The following RIPOR2 variants were observed in gnomAD, a reference collection of about 807,000 sequenced individuals.
RIPOR2 encodes the protein rho family-interacting cell polarization regulator 2.
A neutral mutation model predicts 114.5 loss-of-function variants in RIPOR2; 39 were observed. The ratio of observed to expected loss-of-function variants is 0.34; its 90% CI spans 0.26 to 0.44. RIPOR2 has a LOEUF of 0.44. Ranked by LOEUF, RIPOR2 falls within the 20% of genes least tolerant of loss-of-function variation. The probability of loss-of-function intolerance (pLI) is 1.00; values close to 1 mark genes in which losing one functional copy is unlikely to be tolerated. For synonymous variants in RIPOR2, 445 were observed against 484.4 expected (o/e 0.92, Z 1.07); for missense variants, 1,007 against 1,255.1 (o/e 0.80, Z 2.99).
intron 1 of RIPOR2, among the ~76,000 whole-genome samples, chr6:24,967,149 A>G (rs1773563197): frequency 6.6e-6 from 1 of 152,244 alleles, no homozygotes; most frequent in Admixed American, 6.5e-5. Flanking sequence ...GGCTTTGAAG[A>G]AAGCTAACAG....
At chr6:25,027,226 C>T (rs1404764362) in intron 1 of RIPOR2, among the ~76,000 whole-genome samples, 1 of 152,172 alleles carries the variant, frequency 6.6e-6, no homozygotes, top group African/African-American at 2.4e-5. Flanking sequence ...AAACGACAAT[C>T]GCGTAGGGGT....
intron 8 of RIPOR2, among the ~76,000 whole-genome samples, chr6:24,852,975 A>C (rs1386620717): frequency 6.6e-6 from 1 of 152,218 alleles, no homozygotes; most frequent in African/African-American, 2.4e-5. Flanking sequence ...ACATATTCCC[A>C]TGAAGATAAT....
intron 16 of RIPOR2, among the ~76,000 whole-genome samples, chr6:24,830,874 C>T (rs781687348): frequency 4.6e-5 from 7 of 152,164 alleles, no homozygotes; most frequent in Non-Finnish European, 8.8e-5. Flanking sequence ...CACCACCACA[C>T]CTGGCTAATT....
At chr6:24,817,750 C>T (rs918963363) in intron 20 of RIPOR2, among the ~76,000 whole-genome samples, 2 of 152,134 alleles carry the variant, frequency 1.3e-5, no homozygotes, top group Non-Finnish European at 2.9e-5. Flanking sequence ...CATTCTAGCT[C>T]TCTCCCTGCT....
At chr6:24,924,006 G>T (rs905549633) in intron 1 of RIPOR2, among the ~76,000 whole-genome samples, 10 of 152,158 alleles carry the variant, frequency 6.6e-5, no homozygotes, top group African/African-American at 2.4e-4. Context: ...AGTGCTTTTA[G>T]CGCTCTCCTG....
intron 15 of RIPOR2, among the ~76,000 whole-genome samples, chr6:24,833,531 A>C (rs554655224): frequency 0.026 from 3,994 of 152,166 alleles, 155 homozygotes; most frequent in African/African-American, 0.084. Context: ...ACAACAACAA[A>C]AAAACAAAAC....
In RIPOR2 at chr6:24,839,658, C is replaced by G. The variant is rs373586927; in HGVS notation, c.1858-386G>C. 4.9e-4 allele frequency: 758 copies of G among 1,534,610 alleles called. 13 individuals carry two copies. In the South Asian group the frequency reaches 6.4e-3, roughly 13 times the overall value. On this transcript the variant is annotated intron_variant, in intron 13 of 21. Coordinates refer to ENST00000643898, the MANE Select transcript of RIPOR2 (RefSeq NM_001286445.3). ...AAAACAAAAAAAACAAAAAACAAAA[C>G]CATGTCAACCACAAAGCCTTGGGAA...
At chr6:25,025,553 A>G (rs1056740799) in intron 1 of RIPOR2, among the ~76,000 whole-genome samples, 5 of 152,164 alleles carry the variant, frequency 3.3e-5, no homozygotes, top group South Asian at 2.1e-4. Flanking sequence ...TTAAAAAGAG[A>G]AAAACAAAAG....
At chr6:24,823,225 G>A (rs1257968989) in intron 19 of RIPOR2, among the ~76,000 whole-genome samples, 1 of 152,188 alleles carries the variant, frequency 6.6e-6, no homozygotes, top group African/African-American at 2.4e-5. Context: ...TTTGCATCTA[G>A]TTTTAAGAAC....
At chr6:24,874,459 G>A (rs1765523326) in intron 2 of RIPOR2, among the ~76,000 whole-genome samples, 1 of 152,170 alleles carries the variant, frequency 6.6e-6, no homozygotes, top group Non-Finnish European at 1.5e-5. Context: ...GTCCTTTGCA[G>A]AAGGTAATGT....
chr6:24,819,319 T>C (rs1023780642), intron 19 of RIPOR2, among the ~76,000 whole-genome samples: 1 of 152,066 alleles, frequency 6.6e-6, no homozygotes, highest in African/African-American at 2.4e-5. Context: ...ACAAAAATGT[T>C]TGAACTGGAA....
intron 4 of RIPOR2, among the ~76,000 whole-genome samples, chr6:24,872,343 A>T (rs917744226): frequency 6.6e-6 from 1 of 152,092 alleles, no homozygotes. Context: ...AAATTGGAGT[A>T]AAAGTTCTAG....
chr6:24,845,142 C>T lies in RIPOR2; in HGVS notation c.1165-1588G>A, dbSNP rs140178995. On this transcript the variant is annotated intron_variant, in intron 12 of 21. Transcript: ENST00000643898. ...TGGACACTTGAGTAACCTCTACAAGCTCTGTCTCTTTACCTCCCAAACTGA... is the reference window on the plus strand; with the variant it reads ...TGGACACTTGAGTAACCTCTACAAGTTCTGTCTCTTTACCTCCCAAACTGA... Among the ~76,000 whole-genome samples, 50 of 152,226 alleles carry T rather than the reference C, an allele frequency of 3.3e-4. No homozygotes were observed. The East Asian group carries it at 8.1e-3, about 25-fold the overall frequency.
At chr6:24,948,005 A>T (rs1685534684) in intron 1 of RIPOR2, 1 of 152,148 alleles carries the variant, frequency 6.6e-6, no homozygotes, top group Non-Finnish European at 1.5e-5. Context: ...TCACCAAAAA[A>T]TTAACTCATA....
chr6:24,876,274 G>A (rs1003439448), intron 1 of RIPOR2, among the ~76,000 whole-genome samples: 1 of 151,608 alleles, frequency 6.6e-6, no homozygotes, highest in Non-Finnish European at 1.5e-5. Context: ...TGGGCAATAA[G>A]AGCAAAACTC....
chr6:24,900,028 C>G (rs902496700), intron 1 of RIPOR2, among the ~76,000 whole-genome samples: 1 of 152,190 alleles, frequency 6.6e-6, no homozygotes, highest in African/African-American at 2.4e-5. Flanking sequence ...CCTGAAGAGT[C>G]TCATCAACGC....
At chr6:24,923,567 G>A (rs2114115313) in intron 1 of RIPOR2, among the ~76,000 whole-genome samples, 1 of 152,208 alleles carries the variant, frequency 6.6e-6, no homozygotes, top group African/African-American at 2.4e-5. Context: ...CTCAGAGGCT[G>A]GGCGCGGCGG....
intron 1 of RIPOR2, among the ~76,000 whole-genome samples, chr6:24,904,514 C>A (rs537123873): frequency 2.0e-5 from 3 of 152,350 alleles, no homozygotes; most frequent in African/African-American, 7.2e-5. Context: ...AAGTCCTTGA[C>A]TTAATCACAT....
In RIPOR2 at chr6:24,843,485, A is replaced by G. The variant is rs1162776057; in HGVS notation, c.1234T>C (p.Phe412Leu). ...AEEKMPLSLS[F>L]SDLPNGDCAL... ...CAGTCCCCGTTGGGCAGGTCACTGA[A>G]GCTGAGCGACAGTGGCATTTTCTCC... Residue 412 changes from phenylalanine (F) to leucine (L), a missense_variant, in exon 13 of 22, where the codon TTC becomes CTC. Transcript: ENST00000643898. 1.3e-6 allele frequency: 2 copies of G among 1,580,586 alleles called. No homozygotes were observed. The highest frequency in any genetic ancestry group is 1.7e-6 in the Non-Finnish European group (2 of 1,158,664).
Sources: gnomAD v4.1 joint callset for allele counts (sites outside exome capture counted in the v4.1 genomes callset) on GRCh38, gnomAD v4.1.1 for gene constraint, MANE v1.5 for transcripts, NCBI Gene and HGNC (gene_info 2026-07-23, HGNC 2026-07-21) for gene names.